MIER3: variants seen among roughly 807,000 people sequenced by gnomAD.
MIER3 encodes the protein MIER family member 3.
Under a neutral mutation model 63.2 loss-of-function variants are expected in MIER3, and 9 were observed. The ratio of observed to expected loss-of-function variants is 0.14; its 90% CI spans 0.09 to 0.25. The LOEUF (loss-of-function observed/expected upper bound fraction) is 0.25, where lower values mean the gene tolerates loss of function less well. Among genes scored for constraint, MIER3 ranks in the 10% least tolerant of loss-of-function variants. The pLI is 1.00. For synonymous variants in MIER3, 205 were observed against 224.9 expected (o/e 0.91, Z 0.79); for missense variants, 512 against 666.2 (o/e 0.77, Z 2.55).
intron 3 of MIER3, among the ~76,000 whole-genome samples, chr5:56,945,865 T>C (rs992665599): frequency 2.6e-5 from 4 of 152,222 alleles, no homozygotes; most frequent in African/African-American, 7.2e-5. Flanking sequence ...TCAAGTGATA[T>C]AGAAATAATC....
intron 4 of MIER3, among the ~76,000 whole-genome samples, chr5:56,938,122 C>G (rs1461886830): frequency 1.3e-5 from 2 of 152,208 alleles, no homozygotes; most frequent in Non-Finnish European, 2.9e-5. Context: ...GCACTGACTA[C>G]TGACATAATT....
At position 56,922,204 on chromosome 5, in the gene MIER3, T is replaced by A. The variant is rs1749704212; in HGVS notation, c.*924A>T. 6.6e-6 allele frequency: 1 copy of A among 152,648 alleles called. No individual in the cohort carries two copies. Among genetic ancestry groups the A allele is most frequent in the Admixed American group, 6.5e-5 (1 of 15,284 alleles). 9.5% of individuals were successfully genotyped at this position (152,648 alleles called of 1,614,324 possible). On this transcript the variant is annotated 3_prime_UTR_variant, in exon 13 of 13. Transcript: ENST00000381199. Reference sequence around the variant, plus strand: ...AAATGTAAACCATTGAGTGGCAACATCCTAGGCTTTGTAGACTGTGCCTCT... The same window carrying A: ...AAATGTAAACCATTGAGTGGCAACAACCTAGGCTTTGTAGACTGTGCCTCT...
At chr5:56,934,851 T>C (rs1403601488) in intron 7 of MIER3, among the ~76,000 whole-genome samples, 1 of 151,936 alleles carries the variant, frequency 6.6e-6, no homozygotes, top group Non-Finnish European at 1.5e-5. Flanking sequence ...ACTAAGAAGG[T>C]TTACCTATAT....
intron 8 of MIER3, among the ~76,000 whole-genome samples, chr5:56,932,219 C>T (rs1183538563): frequency 1.3e-5 from 2 of 152,094 alleles, no homozygotes; most frequent in African/African-American, 4.8e-5. Flanking sequence ...GACATTGCGC[C>T]ACTGCACTCC....
upstream of MIER3, chr5:56,952,207 C>CGGGT: frequency 1.0e-6 from 1 of 984,870 alleles, no homozygotes; most frequent in Non-Finnish European, 1.2e-6. Flanking sequence ...GCCCGGCACC[C>CGGGT]GCCCGGCGGC....
At chr5:56,944,331 AT>A (rs1750753376) in intron 3 of MIER3, among the ~76,000 whole-genome samples, 1 of 152,102 alleles carries the variant, frequency 6.6e-6, no homozygotes, top group African/African-American at 2.4e-5. Context: ...TACAAAAAAA[AT>A]TAGCCAGGCT....
intron 5 of MIER3, among the ~76,000 whole-genome samples, 186 bp downstream of exon 5, chr5:56,937,392 T>A (rs534267519): frequency 6.6e-6 from 1 of 152,342 alleles, no homozygotes; most frequent in South Asian, 2.1e-4. Context: ...TTTCAATTTT[T>A]AAATGGCATA....
intron 10 of MIER3, chr5:56,925,513 A>C: frequency 4.2e-6 from 1 of 238,150 alleles, no homozygotes; most frequent in Non-Finnish European, 8.5e-6. Context: ...TTACATTAGC[A>C]CCCCAAAATT....
intron 2 of MIER3, among the ~76,000 whole-genome samples, chr5:56,949,535 C>A (rs1471892731): frequency 6.6e-6 from 1 of 152,084 alleles, no homozygotes; most frequent in African/African-American, 2.4e-5. Flanking sequence ...TCAAAATTAA[C>A]AAAAATTTTT....
chr5:56,923,788 C>G lies in MIER3; in HGVS notation c.1098G>C (p.Gly366=). Residue 366 remains glycine, a synonymous_variant, in exon 12 of 13, where the codon GGG becomes GGC. Coordinates refer to ENST00000381199, the MANE Select transcript of MIER3 (RefSeq NM_001297599.2). ...RLVDETEALG[G]TVNASALTSN... is the part of the protein sequence containing the mutation. ...AAGTTAAGGCTGAAGCATTTACCGT[C>G]CCACCCAAAGCTTCTGTTTCATCTA... is the stretch of plus-strand genomic sequence containing the variant. 1.2e-6 allele frequency: 2 copies of G among 1,614,184 alleles called. No homozygotes were observed. Among genetic ancestry groups the G allele is most frequent in the Non-Finnish European group, 1.7e-6 (2 of 1,180,018 alleles).
At chr5:56,932,327 A>T (rs1252932482) in intron 8 of MIER3, among the ~76,000 whole-genome samples, 1 of 152,202 alleles carries the variant, frequency 6.6e-6, no homozygotes, top group Non-Finnish European at 1.5e-5. Context: ...ACACACACAT[A>T]TAAAAGATAT....
chr5:56,945,457 C>T (rs56154402), intron 3 of MIER3, among the ~76,000 whole-genome samples: 14,487 of 150,924 alleles, frequency 0.096, 1,033 homozygotes, highest in East Asian at 0.35. Context: ...AGCAAGTCTT[C>T]GTCTCAAAAA....
chr5:56,947,998 A>T (rs1561247452), intron 2 of MIER3, among the ~76,000 whole-genome samples: 3 of 152,236 alleles, frequency 2.0e-5, no homozygotes. Context: ...TTAGACCCGT[A>T]ACCCTCAGAG....
intron 3 of MIER3, among the ~76,000 whole-genome samples, chr5:56,946,029 C>G (rs1443619835): frequency 6.6e-6 from 1 of 152,024 alleles, no homozygotes; most frequent in African/African-American, 2.4e-5. Flanking sequence ...CAGATAAGAA[C>G]AACAGATCAG....
chr5:56,925,693 G>C (rs909164296), intron 10 of MIER3, among the ~76,000 whole-genome samples: 1 of 152,076 alleles, frequency 6.6e-6, no homozygotes, highest in Non-Finnish European at 1.5e-5. Context: ...TTGATCTACC[G>C]ATTTAGCACA....
chr5:56,933,113 C>T (rs1750328670), intron 8 of MIER3, 134 bp downstream of exon 8: 2 of 915,096 alleles, frequency 2.2e-6, no homozygotes, highest in African/African-American at 1.7e-5. Flanking sequence ...GTTTTTTAAA[C>T]CAGTATTTTG....
chr5:56,946,000 A>G (rs1481000639), intron 3 of MIER3, among the ~76,000 whole-genome samples: 1 of 152,234 alleles, frequency 6.6e-6, no homozygotes, highest in Non-Finnish European at 1.5e-5. Context: ...GACCACATGT[A>G]TACAGTTGTA....
At chr5:56,946,396 A>G (rs1052252055) in intron 3 of MIER3, among the ~76,000 whole-genome samples, 1 of 152,186 alleles carries the variant, frequency 6.6e-6, no homozygotes, top group African/African-American at 2.4e-5. Context: ...AAAAAATTAC[A>G]AACTACACTC....
chr5:56,939,116 A>C, intron 3 of MIER3, 99 bp from the exon 4 acceptor site: 2 of 1,280,414 alleles, frequency 1.6e-6, no homozygotes, highest in South Asian at 4.0e-5. Context: ...ACATTATCAA[A>C]ACAGCAGAAC....
Sources: allele counts gnomAD v4.1 joint callset (sites outside exome capture counted in the v4.1 genomes callset), GRCh38; gene constraint gnomAD v4.1.1; transcripts MANE v1.5; gene names NCBI Gene and HGNC (gene_info 2026-07-23, HGNC 2026-07-21).